The following ACSM3 variants were observed in gnomAD, a reference collection of about 807,000 sequenced individuals.
ACSM3 encodes the protein acyl-CoA synthetase medium chain family member 3.
In ACSM3, 61 loss-of-function variants were observed where a neutral mutation model predicts 74.1. The ratio of observed to expected loss-of-function variants is 0.82; its 90% CI spans 0.67 to 1.02. The LOEUF (loss-of-function observed/expected upper bound fraction) is 1.02. Ranked by LOEUF, ACSM3 falls within the 50% of genes least tolerant of loss-of-function variation. The probability of loss-of-function intolerance (pLI) is 0.00; values close to 1 mark genes in which losing one functional copy is unlikely to be tolerated. For missense variants in ACSM3, 660 were observed against 697.0 expected, an observed-to-expected ratio of 0.95 and a Z score of 0.60; for synonymous variants, 213 against 241.5, an observed-to-expected ratio of 0.88 and a Z score of 1.09.
intron 2 of ACSM3, among the ~76,000 whole-genome samples, chr16:20,751,052 G>C (rs1226387944): frequency 6.6e-6 from 1 of 152,036 alleles, no homozygotes; most frequent in Non-Finnish European, 1.5e-5. Context: ...ATGGTGGCCA[G>C]GTTGGTCTCA....
At chr16:20,682,084 A>C in intron 1 of ACSM3, 1 of 618,348 alleles carries the variant, frequency 1.6e-6, no homozygotes, top group Non-Finnish European at 2.8e-6. Context: ...TGAAATGCTT[A>C]AAAGGTAACC....
At chr16:20,793,273 A>G (rs1035030509) in intron 12 of ACSM3, among the ~76,000 whole-genome samples, 1 of 152,126 alleles carries the variant, frequency 6.6e-6, no homozygotes, top group Non-Finnish European at 1.5e-5. Flanking sequence ...GTTTGAGACA[A>G]GCCTGGTCAA....
At position 20,785,129 on chromosome 16, in the gene ACSM3, A is replaced by G. The variant is rs1169844629; in HGVS notation, c.1143+22A>G. On this transcript the variant is annotated intron_variant, in intron 8 of 13. Transcript: ENST00000289416. ...AACGGTACCTGACCTCACTGAAAAG[A>G]CATAGCTGGATTCCATTTAGTCAGA... 3 of 1,611,886 alleles carry G rather than the reference A, an allele frequency of 1.9e-6. No homozygotes were observed. In the Admixed American group the frequency reaches 5.0e-5, roughly 27 times the overall value.
At chr16:20,706,231 A>T (rs986296674) in intron 1 of ACSM3, among the ~76,000 whole-genome samples, 11 of 152,150 alleles carry the variant, frequency 7.2e-5, no homozygotes, top group African/African-American at 2.7e-4. Flanking sequence ...AAAATCTAAA[A>T]TGGGAGAAAT....
intron 1 of ACSM3, chr16:20,680,517 A>G (rs547628673): frequency 2.6e-5 from 4 of 152,388 alleles, no homozygotes; most frequent in South Asian, 2.1e-4. Flanking sequence ...AATTAATGCC[A>G]CAAGATAACT....
intron 1 of ACSM3, chr16:20,741,883 G>T (rs1286354706): frequency 3.3e-6 from 5 of 1,534,852 alleles, no homozygotes; most frequent in Admixed American, 2.0e-5. Flanking sequence ...GCTGCGCCAG[G>T]TCCTAAGGCC....
At chr16:20,715,505 G>A (rs2079758596) in intron 1 of ACSM3, among the ~76,000 whole-genome samples, 1 of 152,138 alleles carries the variant, frequency 6.6e-6, no homozygotes, top group Non-Finnish European at 1.5e-5. Flanking sequence ...TCAGACAGCT[G>A]AGTGAGGAGG....
chr16:20,760,026 G>T (rs762895165), upstream of ACSM3, among the ~76,000 whole-genome samples: 6 of 152,116 alleles, frequency 3.9e-5, no homozygotes, highest in African/African-American at 1.4e-4. Flanking sequence ...GGACAGACAT[G>T]CCTCATTATA....
intron 1 of ACSM3, among the ~76,000 whole-genome samples, chr16:20,692,913 A>G (rs772333337): frequency 4.0e-4 from 61 of 152,084 alleles, no homozygotes; most frequent in Non-Finnish European, 7.2e-4. Context: ...GCTCATGCCT[A>G]TAATCCCAGC....
chr16:20,742,029 C>T (rs1384836222), intron 1 of ACSM3: 3 of 1,439,422 alleles, frequency 2.1e-6, no homozygotes, highest in Admixed American at 2.3e-5. Flanking sequence ...TCCTCAAGCC[C>T]TTGAAGCTGG....
At chr16:20,738,068 T>A in intron 1 of ACSM3, 1 of 1,053,288 alleles carries the variant, frequency 9.5e-7, no homozygotes, top group Non-Finnish European at 1.4e-6. Context: ...ATTCTCATAA[T>A]GAATTTTAAA....
At chr16:20,685,142 T>C (rs750148784) in intron 1 of ACSM3, 31 of 1,593,172 alleles carry the variant, frequency 1.9e-5, no homozygotes, top group Non-Finnish European at 1.9e-5. Context: ...TCAGGACCCA[T>C]TGGTTCTAGA....
In ACSM3 at chr16:20,777,547, G is replaced by C. The variant is rs752542843; in HGVS notation, c.605G>C (p.Arg202Thr). The change falls in exon 4 of 14, where the codon AGA becomes ACA. Residue 202 changes from arginine (R) to threonine (T), a missense_variant. Transcript: ENST00000289416. ...HSKLIVSENS[R>T]EGWGNLKELM... ...AAGCTGATTGTATCAGAGAACTCCA[G>C]AGAGGGGTGGGGGAACCTCAAGGAG... 1 of 1,614,064 alleles carries C rather than the reference G, an allele frequency of 6.2e-7. No homozygotes were observed. Among genetic ancestry groups the C allele is most frequent in the Non-Finnish European group, 8.5e-7 (1 of 1,179,972 alleles).
chr16:20,770,700 T>C (rs946900734), intron 2 of ACSM3, among the ~76,000 whole-genome samples: 2 of 152,172 alleles, frequency 1.3e-5, no homozygotes, highest in Non-Finnish European at 2.9e-5. Flanking sequence ...AGAAATGACA[T>C]GGCTTCCAAC....
chr16:20,703,477 T>C (rs2079718879), intron 1 of ACSM3: 1 of 152,200 alleles, frequency 6.6e-6, no homozygotes, highest in South Asian at 2.1e-4. Context: ...TTGTGTCCTC[T>C]CTTATTTTCT....
Position 20,781,123 on chromosome 16 carries a change from T to C in ACSM3, c.932T>C (p.Ile311Thr). Reference protein sequence around the residue: ...HHLPRFEPTSILQTLSKYPIT... With the variant: ...HHLPRFEPTSTLQTLSKYPIT... ...TTACCCCGTTTTGAGCCGACTTCTA[T>C]CTTGCAAGTAAGCCAAAGCACAAAG... The change falls in exon 6 of 14, where the codon ATC becomes ACC. Residue 311 changes from isoleucine to threonine, a missense_variant. Physicochemically the swap from Ile to Thr is moderately conservative, Grantham distance 89. Transcript: ENST00000289416. 1 of 1,614,006 alleles carries C rather than the reference T, an allele frequency of 6.2e-7. No individual in the cohort carries two copies. The highest frequency in any genetic ancestry group is 1.1e-5 in the South Asian group (1 of 90,998).
At chr16:20,733,253 G>T (rs1345711179) in intron 1 of ACSM3, among the ~76,000 whole-genome samples, 1 of 152,074 alleles carries the variant, frequency 6.6e-6, no homozygotes, top group South Asian at 2.1e-4. Flanking sequence ...GAAAAAGAAA[G>T]TGCACAATGA....
rs1204144169 is a variant in ACSM3, at chr16:20,737,030, T to G, written c.-189-12880T>G. The G allele has an allele frequency of 1.9e-6, 3 of 1,614,210 alleles. No homozygotes were observed. In the Admixed American group the frequency reaches 5.0e-5, roughly 27 times the overall value. ...TATTCTCTGGTACCTGCTGGTTATT[T>G]TTTCCTTCTGCTGTGTTGTTTTGGT... is the stretch of plus-strand genomic sequence containing the variant. On this transcript the variant is annotated intron_variant, in intron 1 of 3. Transcript: ENST00000561584.
chr16:20,681,214 A>T (rs2152307678), intron 1 of ACSM3: 1 of 152,368 alleles, frequency 6.6e-6, no homozygotes, highest in Non-Finnish European at 1.5e-5. Context: ...CACTAGATTT[A>T]TTGGCAATAC....
Sources: gnomAD v4.1 joint callset for allele counts (sites outside exome capture counted in the v4.1 genomes callset) on GRCh38, gnomAD v4.1.1 for gene constraint, MANE v1.5 for transcripts, NCBI Gene and HGNC (gene_info 2026-07-23, HGNC 2026-07-21) for gene names.